Variants in SRGAP3 observed in about 807,000 individuals in gnomAD.
SRGAP3 encodes the protein SLIT-ROBO Rho GTPase activating protein 3, also known as SLIT-ROBO Rho GTPase-activating protein 3.
A neutral mutation model predicts 121.1 loss-of-function variants in SRGAP3; 39 were observed. The observed-to-expected ratio is 0.32, with a 90% CI of 0.25 to 0.42. The LOEUF (loss-of-function observed/expected upper bound fraction) is 0.42, where lower values mean the gene tolerates loss of function less well. SRGAP3 is among the 10% of genes least tolerant of loss of function. SRGAP3 has a pLI of 1.00. For synonymous variants in SRGAP3, 601 were observed against 570.0 expected, an observed-to-expected ratio of 1.05 and a Z score of -0.77; for missense variants, 1,213 against 1,470.6, an observed-to-expected ratio of 0.82 and a Z score of 2.86.
At chr3:9,082,474 T>G (rs1025707442) in intron 3 of SRGAP3, among the ~76,000 whole-genome samples, 4 of 152,244 alleles carry the variant, frequency 2.6e-5, no homozygotes, top group Non-Finnish European at 4.4e-5. Flanking sequence ...TGTCAGTGTC[T>G]TGCTCTTAGA....
In SRGAP3 at chr3:9,064,146, G is replaced by A. The variant is rs539195166; in HGVS notation, c.672+250C>T. ...AGCTTTCTTGTGAGTTGAGCACCTC[G>A]TCTGCCTGCTGACCTTAGCACTAAG... On this transcript the variant is annotated intron_variant, in intron 5 of 21. Coordinates refer to ENST00000383836, the MANE Select transcript of SRGAP3 (RefSeq NM_014850.4). 5.9e-5 allele frequency among the ~76,000 whole-genome samples: 9 copies of A among 152,310 alleles called. No homozygotes were observed. The South Asian group carries it at 1.7e-3, about 28-fold the overall frequency.
At chr3:9,186,916 G>T (rs552715174) in intron 1 of SRGAP3, among the ~76,000 whole-genome samples, 2 of 152,312 alleles carry the variant, frequency 1.3e-5, no homozygotes, top group Non-Finnish European at 2.9e-5. Flanking sequence ...GGGCACTGAA[G>T]TCTCCCCACG....
At chr3:9,301,391 G>A (rs1955051089) in intron 3 of SRGAP3, among the ~76,000 whole-genome samples, 1 of 152,238 alleles carries the variant, frequency 6.6e-6, no homozygotes, top group South Asian at 2.1e-4. Flanking sequence ...GAAGAAACAG[G>A]AAGAGGGGAA....
At chr3:9,027,593 G>C (rs1944279981) in intron 12 of SRGAP3, among the ~76,000 whole-genome samples, 1 of 152,212 alleles carries the variant, frequency 6.6e-6, no homozygotes, top group African/African-American at 2.4e-5. Flanking sequence ...GGCAGCCGAT[G>C]TCAGCCATTG....
At chr3:9,186,213 T>C (rs555210942) in intron 1 of SRGAP3, among the ~76,000 whole-genome samples, 2 of 152,320 alleles carry the variant, frequency 1.3e-5, no homozygotes, top group African/African-American at 4.8e-5. Context: ...GGCTTTTCTC[T>C]GCCCTTCTGC....
chr3:9,231,675 C>T (rs1045120811), intron 1 of SRGAP3, among the ~76,000 whole-genome samples: 3 of 152,178 alleles, frequency 2.0e-5, no homozygotes, highest in Non-Finnish European at 4.4e-5. Flanking sequence ...GGCTTCTGCA[C>T]TCAATGAGCT....
Position 8,983,735 on chromosome 3 carries a change from T to G in SRGAP3, c.*1784A>C, listed in dbSNP as rs1427729299. 1.3e-5 allele frequency: 3 copies of G among 230,550 alleles called. No homozygotes were observed. The highest frequency in any genetic ancestry group is 6.2e-5 in the East Asian group (1 of 16,252). The allele number at this position is 230,550 out of a possible 1,614,324, so 14.3% of individuals were successfully genotyped here. A position where few individuals can be genotyped will look rare whatever the true frequency, so the allele number is the denominator to read the frequency against. On this transcript the variant is annotated 3_prime_UTR_variant, in exon 22 of 22. Coordinates refer to ENST00000383836, the MANE Select transcript of SRGAP3 (RefSeq NM_014850.4). ...ATTGTATTGATTCAGTGTTTTCCAGTGTACACAGCTTGCTCACTGATGTTT... is the reference window on the plus strand; with the variant it reads ...ATTGTATTGATTCAGTGTTTTCCAGGGTACACAGCTTGCTCACTGATGTTT...
At chr3:9,337,194 A>AC (rs1393614083) in intron 1 of SRGAP3, among the ~76,000 whole-genome samples, 4 of 152,196 alleles carry the variant, frequency 2.6e-5, no homozygotes, top group African/African-American at 9.6e-5. Flanking sequence ...TATGAGGCCC[A>AC]CCCACATGAA....
At chr3:9,283,504 A>T (rs1954717019) in intron 3 of SRGAP3, among the ~76,000 whole-genome samples, 2 of 152,186 alleles carry the variant, frequency 1.3e-5, no homozygotes. Flanking sequence ...TTAAGTCTTT[A>T]AGTATTGGGA....
chr3:9,309,018 T>G (rs1418848299), intron 3 of SRGAP3, among the ~76,000 whole-genome samples: 2 of 152,216 alleles, frequency 1.3e-5, no homozygotes, highest in Non-Finnish European at 2.9e-5. Flanking sequence ...GACTTTGCTT[T>G]GGCCAATGGA....
At chr3:9,292,399 T>C (rs1250326237) in intron 3 of SRGAP3, among the ~76,000 whole-genome samples, 3 of 152,162 alleles carry the variant, frequency 2.0e-5, no homozygotes, top group Admixed American at 6.5e-5. Context: ...AGTCCTTCCT[T>C]TTCTGCCCTC....
intron 1 of SRGAP3, among the ~76,000 whole-genome samples, chr3:9,234,158 C>T (rs1246723126): frequency 6.6e-6 from 1 of 152,154 alleles, no homozygotes; most frequent in African/African-American, 2.4e-5. Context: ...CAACCACAAC[C>T]AGGCAAATGA....
chr3:9,244,348 A>G (rs1161808179), intron 1 of SRGAP3, among the ~76,000 whole-genome samples: 1 of 152,210 alleles, frequency 6.6e-6, no homozygotes, highest in African/African-American at 2.4e-5. Context: ...ATGAATGAAT[A>G]AATACATGCC....
intron 1 of SRGAP3, among the ~76,000 whole-genome samples, chr3:9,188,759 G>A (rs1041234693): frequency 1.3e-5 from 2 of 152,014 alleles, no homozygotes; most frequent in Non-Finnish European, 2.9e-5. Flanking sequence ...AAATTAATGC[G>A]AACCCACAAA....
chr3:9,092,198 G>A (rs2664077), intron 3 of SRGAP3, among the ~76,000 whole-genome samples: 69,323 of 151,790 alleles, frequency 0.46, 16,196 homozygotes, highest in African/African-American at 0.54. Context: ...ACTGCTTTAC[G>A]TAACAGGCCT....
intron 10 of SRGAP3, among the ~76,000 whole-genome samples, chr3:9,041,776 A>G (rs544878680): frequency 9.4e-4 from 143 of 152,178 alleles, no homozygotes; most frequent in Non-Finnish European, 1.7e-3. Context: ...ACAAGCCACA[A>G]TTTCTGGTAG....
chr3:9,278,034 C>A (rs1339995160), intron 3 of SRGAP3, among the ~76,000 whole-genome samples: 2 of 152,188 alleles, frequency 1.3e-5, no homozygotes, highest in Non-Finnish European at 2.9e-5. Context: ...CCTCACCAGA[C>A]ACGGAATCTG....
chr3:9,199,023 T>G (rs1951992108), intron 1 of SRGAP3, among the ~76,000 whole-genome samples: 1 of 152,162 alleles, frequency 6.6e-6, no homozygotes, highest in Non-Finnish European at 1.5e-5. Context: ...CTGACCTGAA[T>G]GTGGCGCATT....
intron 1 of SRGAP3, among the ~76,000 whole-genome samples, chr3:9,342,345 C>CAA (rs1955800808): frequency 9.0e-6 from 1 of 111,454 alleles, no homozygotes; most frequent in East Asian, 3.2e-4. Context: ...ATCAAGACTC[C>CAA]ATCTCAAAAA....
Sources: gnomAD v4.1 joint callset for allele counts (sites outside exome capture counted in the v4.1 genomes callset) on GRCh38, gnomAD v4.1.1 for gene constraint, MANE v1.5 for transcripts, NCBI Gene and HGNC (gene_info 2026-07-23, HGNC 2026-07-21) for gene names.